COL11A1: variants seen among roughly 807,000 people sequenced by gnomAD.
COL11A1 encodes collagen type XI alpha 1 chain, also known as collagen alpha-1(XI) chain.
A neutral mutation model predicts 265.2 loss-of-function variants in COL11A1; 74 were observed. That is an observed-to-expected ratio of 0.28 (90% CI 0.23 to 0.34). The LOEUF is 0.34. Ranked by LOEUF, COL11A1 falls within the 10% of genes least tolerant of loss-of-function variation. The pLI is 1.00. For synonymous variants in COL11A1, 816 were observed against 727.6 expected, an observed-to-expected ratio of 1.12 and a Z score of -1.96; for missense variants, 2,165 against 2,263.6, an observed-to-expected ratio of 0.96 and a Z score of 0.88.
At chr1:102,966,494 T>G (rs1030559396) in intron 37 of COL11A1, among the ~76,000 whole-genome samples, 3 of 152,086 alleles carry the variant, frequency 2.0e-5, no homozygotes, top group African/African-American at 4.8e-5. Context: ...TTATTGCAAT[T>G]GATGCTACAG....
intron 36 of COL11A1, among the ~76,000 whole-genome samples, chr1:102,970,602 C>T (rs1661874646): frequency 1.3e-5 from 2 of 152,132 alleles, no homozygotes; most frequent in Admixed American, 1.3e-4. Context: ...TAGCACTTCA[C>T]AAATGAGTAT....
intron 1 of COL11A1, among the ~76,000 whole-genome samples, chr1:103,086,500 C>T (rs1053600421): frequency 2.2e-4 from 34 of 152,138 alleles, no homozygotes; most frequent in Middle Eastern, 3.4e-3. Flanking sequence ...CGCTGCAAGC[C>T]CCGCCTCCCA....
At chr1:102,959,239 A>G (rs1368162129) in intron 41 of COL11A1, among the ~76,000 whole-genome samples, 2 of 152,234 alleles carry the variant, frequency 1.3e-5, no homozygotes, top group Admixed American at 6.5e-5. Flanking sequence ...TCAGAGCTTC[A>G]GTAATTATAT....
chr1:102,886,496 T>C (rs1326705455), intron 63 of COL11A1, among the ~76,000 whole-genome samples: 2 of 152,146 alleles, frequency 1.3e-5, no homozygotes, highest in Non-Finnish European at 2.9e-5. Flanking sequence ...TATTACAATA[T>C]ACACATGTGT....
intron 43 of COL11A1, 151 bp downstream of exon 43, chr1:102,940,176 A>G (rs1658574102): frequency 1.5e-6 from 1 of 681,286 alleles, no homozygotes; most frequent in African/African-American, 1.8e-5. Context: ...CCTCTTAAAT[A>G]AAACTTTTGA....
intron 54 of COL11A1, 113 bp downstream of exon 54, chr1:102,912,046 T>G: frequency 1.1e-6 from 1 of 876,948 alleles, no homozygotes; most frequent in South Asian, 1.7e-5. Flanking sequence ...TTAGGATTTA[T>G]GATATTTCTC....
intron 4 of COL11A1, among the ~76,000 whole-genome samples, chr1:103,049,254 A>C (rs994662987): frequency 4.6e-5 from 7 of 152,254 alleles, no homozygotes; most frequent in South Asian, 2.1e-4. Flanking sequence ...GTAGGTCACT[A>C]AGGACTTCCT....
At chr1:103,044,757 T>C (rs141405339) in intron 4 of COL11A1, among the ~76,000 whole-genome samples, 17 of 152,248 alleles carry the variant, frequency 1.1e-4, no homozygotes, top group African/African-American at 4.1e-4. Flanking sequence ...ACATGTCAGG[T>C]ACTATTTTAG....
At chr1:102,946,802 G>T in intron 42 of COL11A1, 47 bp downstream of exon 42, 1 of 1,400,664 alleles carries the variant, frequency 7.1e-7, no homozygotes, top group Non-Finnish European at 1.0e-6. Context: ...AAGTAATAAC[G>T]TGTACAGGGT....
chr1:103,012,468 A>T lies in COL11A1; in HGVS notation c.1574T>A (p.Ile525Asn). 1 of 1,611,680 alleles carries T rather than the reference A, an allele frequency of 6.2e-7. No homozygotes were observed. The highest frequency in any genetic ancestry group is 8.5e-7 in the Non-Finnish European group (1 of 1,177,986). The change falls in exon 14 of 67, where the codon ATT becomes AAT. Residue 525 changes from isoleucine (I) to asparagine (N), a missense_variant and splice_region_variant. Coordinates refer to ENST00000370096, the MANE Select transcript of COL11A1 (RefSeq NM_001854.4). ...QAQAILQQAR[I>N]ALRGPPGPMG... is the part of the protein sequence containing the mutation. ...TGGGCCAGGTGGGCCTCTCAGAGCA[A>T]TCTAGAAAACAAAATATATCAAATT...
chr1:102,932,295 C>T (rs901210425), intron 46 of COL11A1, among the ~76,000 whole-genome samples: 1 of 151,978 alleles, frequency 6.6e-6, no homozygotes, highest in African/African-American at 2.4e-5. Context: ...CTGGTGGTGA[C>T]AAAATCTCTC....
intron 1 of COL11A1, among the ~76,000 whole-genome samples, chr1:103,094,150 G>A (rs1294051218): frequency 6.6e-6 from 1 of 152,058 alleles, no homozygotes; most frequent in Non-Finnish European, 1.5e-5. Context: ...TGGAGGTGTG[G>A]GGGCAAAGGG....
intron 5 of COL11A1, among the ~76,000 whole-genome samples, chr1:103,026,946 C>T (rs923799333): frequency 6.6e-6 from 1 of 151,934 alleles, no homozygotes; most frequent in African/African-American, 2.4e-5. Context: ...TTCCTTTAGA[C>T]TTTCCTAAGA....
chr1:102,930,702 G>A (rs1657305385), intron 46 of COL11A1, among the ~76,000 whole-genome samples: 1 of 152,110 alleles, frequency 6.6e-6, no homozygotes, highest in Admixed American at 6.5e-5. Context: ...GTAGAATTCG[G>A]CTGTGAATCC....
At chr1:102,991,491 C>A (rs1006997671) in intron 28 of COL11A1, among the ~76,000 whole-genome samples, 40 of 152,042 alleles carry the variant, frequency 2.6e-4, no homozygotes, top group Non-Finnish European at 7.4e-5. Flanking sequence ...TGAACTCCTC[C>A]TAAAATTAAC....
rs182102637 is a variant in COL11A1 at position 103,097,316 on chromosome 1, C to A, written c.106+10757G>T. 2.0e-3 allele frequency among the ~76,000 whole-genome samples: 309 copies of A among 152,044 alleles called. 2 individuals carry two copies. Among genetic ancestry groups the A allele is most frequent in the Non-Finnish European group, 2.4e-3 (161 of 67,896 alleles). ...TCACGTTTTATCCCCACTGCTTCTT[C>A]TCCAGACATACTGCCATTTTTCAAG... On this transcript the variant is annotated intron_variant, in intron 1 of 66. Transcript: ENST00000370096.
chr1:102,951,688 C>T (rs765029914), intron 41 of COL11A1, among the ~76,000 whole-genome samples: 28 of 151,798 alleles, frequency 1.8e-4, no homozygotes, highest in African/African-American at 2.4e-5. Flanking sequence ...TGCAGTGAGC[C>T]GATATCGCGC....
intron 1 of COL11A1, among the ~76,000 whole-genome samples, chr1:103,106,951 G>A (rs1558063139): frequency 6.6e-6 from 1 of 152,244 alleles, no homozygotes; most frequent in African/African-American, 2.4e-5. Flanking sequence ...AACCTCGTCA[G>A]TCACCCTCCT....
At chr1:102,884,986 G>T (rs1650782878) in intron 63 of COL11A1, among the ~76,000 whole-genome samples, 1 of 152,116 alleles carries the variant, frequency 6.6e-6, no homozygotes, top group Non-Finnish European at 1.5e-5. Context: ...TTCCAGAGGG[G>T]TTCTACCCCG....
Sources: gnomAD v4.1 joint callset for allele counts (sites outside exome capture counted in the v4.1 genomes callset) on GRCh38, gnomAD v4.1.1 for gene constraint, MANE v1.5 for transcripts, NCBI Gene and HGNC (gene_info 2026-07-23, HGNC 2026-07-21) for gene names.